OPN1SW: variants seen among roughly 807,000 people sequenced by gnomAD.
The protein encoded by OPN1SW is opsin 1, short wave sensitive.
In OPN1SW, 25 loss-of-function variants were observed where a neutral mutation model predicts 31.9. The ratio of observed to expected loss-of-function variants is 0.78; its 90% CI spans 0.57 to 1.09. The LOEUF is 1.09. OPN1SW is among the 50% of genes least tolerant of loss of function. OPN1SW has a pLI of 0.00. For synonymous variants in OPN1SW, 190 were observed against 171.9 expected, an observed-to-expected ratio of 1.11 and a Z score of -0.82; for missense variants, 424 against 448.0, an observed-to-expected ratio of 0.95 and a Z score of 0.48.
chr7:128,774,159 A>G (rs532611956), intron 3 of OPN1SW, among the ~76,000 whole-genome samples: 22 of 152,072 alleles, frequency 1.4e-4, no homozygotes, highest in African/African-American at 5.3e-4. Flanking sequence ...GCATTTTGCC[A>G]TGTAGGCCAG....
Position 128,775,769 on chromosome 7 carries a change from C to T in OPN1SW, c.13G>A (p.Glu5Lys), listed in dbSNP as rs978760053. The change falls in exon 1 of 5, where the codon GAG (glutamate) becomes AAG (lysine). Residue 5 changes from glutamate to lysine, a missense_variant. Glu to Lys is a moderately conservative substitution (Grantham distance 56). Coordinates refer to ENST00000249389, the MANE Select transcript of OPN1SW (RefSeq NM_001385125.1). ...GAGATATTTTTGAACAGATAAAACTCTTCCTCCGACATTTTTCTCATGGAT... is the reference window on the plus strand; with the variant it reads ...GAGATATTTTTGAACAGATAAAACTTTTCCTCCGACATTTTTCTCATGGAT... MSEE[E>K]FYLFKNISSV... The T allele has an allele frequency of 6.2e-7, 1 of 1,614,128 alleles. No individual in the cohort carries two copies. Among genetic ancestry groups the T allele is most frequent in the Non-Finnish European group, 8.5e-7 (1 of 1,179,992 alleles).
chr7:128,775,280 T>A, intron 1 of OPN1SW, 126 bp from the exon 2 acceptor site: 2 of 1,288,338 alleles, frequency 1.6e-6, no homozygotes, highest in African/African-American at 1.5e-5. Flanking sequence ...GAGTGAAGAC[T>A]CAAACATCCT....
intron 4 of OPN1SW, 83 bp from the exon 5 acceptor site, chr7:128,772,742 G>A: frequency 1.9e-6 from 3 of 1,575,850 alleles, no homozygotes; most frequent in Non-Finnish European, 1.7e-6. Flanking sequence ...TATCACCAAA[G>A]CCTTGCACAA....
intron 3 of OPN1SW, 64 bp downstream of exon 3, chr7:128,774,434 A>G: frequency 6.3e-7 from 1 of 1,596,460 alleles, no homozygotes; most frequent in South Asian, 1.1e-5. Context: ...TATGTTTCAG[A>G]GCACTCTTCC....
chr7:128,775,508 T>C lies in OPN1SW; in HGVS notation c.274A>G (p.Ser92Gly). 6.2e-7 allele frequency: 1 copy of C among 1,613,970 alleles called. No individual in the cohort carries two copies. The highest frequency in any genetic ancestry group is 2.2e-5 in the East Asian group (1 of 44,874). Residue 92 changes from serine to glycine, a missense_variant, in exon 1 of 5, where the codon AGC (serine) becomes GGC (glycine). Ser to Gly is a moderately conservative substitution (Grantham distance 56). Transcript: ENST00000249389. ...IFSVFPVFVA[S>G]CNGYFVFGRH... ...CCGAAGACGAAGTATCCGTTACAGC[T>C]GGCGACGAAGACAGGGAAGACAGAG...
intron 1 of OPN1SW, 121 bp from the exon 2 acceptor site, chr7:128,775,275 A>G: frequency 7.6e-7 from 1 of 1,308,776 alleles, no homozygotes; most frequent in Non-Finnish European, 1.1e-6. Context: ...ATTTGGAGTG[A>G]AGACTCAAAC....
In OPN1SW at chr7:128,772,551, C is replaced by T; in HGVS notation, c.1027G>A (p.Gly343Ser). 6.2e-7 allele frequency: 1 copy of T among 1,614,106 alleles called. No homozygotes were observed. The highest frequency in any genetic ancestry group is 8.5e-7 in the Non-Finnish European group (1 of 1,180,020). The change falls in exon 5 of 5, where the codon GGC becomes AGC. Residue 343 changes from glycine to serine, a missense_variant. By Grantham distance (56) the Gly-to-Ser change is moderately conservative. Transcript: ENST00000249389. ...CCAATATTGGGTCCTCAGTTGGGGCCAACTTGGGTAGACGAGACAGTAGAA... is the reference window on the plus strand; with the variant it reads ...CCAATATTGGGTCCTCAGTTGGGGCTAACTTGGGTAGACGAGACAGTAGAA... ...EVSTVSSTQV[G>S]PN
chr7:128,775,198 C>T, intron 1 of OPN1SW, 44 bp from the exon 2 acceptor site: 3 of 1,597,492 alleles, frequency 1.9e-6, no homozygotes, highest in Non-Finnish European at 2.6e-6. Context: ...GAGCCCCACC[C>T]AGCCTGGCTG....
rs1485232656 is a variant in OPN1SW at position 128,773,356 on chromosome 7, ATGG to A, written c.918+290_918+292del. Among the ~76,000 whole-genome samples the A allele has an allele frequency of 2.0e-5, 3 of 152,188 alleles. No homozygotes were observed. In the East Asian group the frequency reaches 5.8e-4, roughly 29 times the overall value. On this transcript the variant is annotated intron_variant, in intron 4 of 4. Coordinates refer to ENST00000249389, the MANE Select transcript of OPN1SW (RefSeq NM_001385125.1). Reference sequence around the variant, plus strand: ...TTTGTTACATAGGTAAACGTGTGCCATGGTGGTTTGCTGCACGAGTTTTTCAAT... The same window carrying A: ...TTTGTTACATAGGTAAACGTGTGCCATGGTTTGCTGCACGAGTTTTTCAAT...
rs1464280173 is a variant in OPN1SW at position 128,772,568 on chromosome 7, A to G, written c.1010T>C (p.Val337Ala). The change falls in exon 5 of 5, where the codon GTC becomes GCC. Residue 337 changes from valine to alanine, a missense_variant. Transcript: ENST00000249389. Reference sequence around the variant, plus strand: ...GTTGGGGCCAACTTGGGTAGACGAGACAGTAGAAACTTCTGTTTTCTGGGA... The same window carrying G: ...GTTGGGGCCAACTTGGGTAGACGAGGCAGTAGAAACTTCTGTTTTCTGGGA... ...CSSQKTEVSTVSSTQVGPN is the reference protein window; with the variant it reads ...CSSQKTEVSTASSTQVGPN 1 of 1,614,178 alleles carries G rather than the reference A, an allele frequency of 6.2e-7. No individual in the cohort carries two copies. Among genetic ancestry groups the G allele is most frequent in the Non-Finnish European group, 8.5e-7 (1 of 1,180,024 alleles).
rs765180645 is a variant in OPN1SW at position 128,775,028 on chromosome 7, A to G, written c.470T>C (p.Ile157Thr). The G allele has an allele frequency of 4.3e-6, 7 of 1,613,974 alleles. No homozygotes were observed. Among genetic ancestry groups the G allele is most frequent in the African/African-American group, 4.0e-5 (3 of 74,898 alleles). The change falls in exon 2 of 5, where the codon ATT (isoleucine) becomes ACT (threonine). Residue 157 changes from isoleucine to threonine, a missense_variant. Transcript: ENST00000249389. ...ALTVVLATWT[I>T]GIGVSIPPFF... ...GGGTGGGATGGAGACGCCAATACCAATGGTCCAGGTAGCCAGGACCACCGT... is the reference window on the plus strand; with the variant it reads ...GGGTGGGATGGAGACGCCAATACCAGTGGTCCAGGTAGCCAGGACCACCGT...
Position 128,774,511 on chromosome 7 carries a change from C to G in OPN1SW, c.665G>C (p.Arg222Thr). ...LICFSYTQLL[R>T]ALKAVAAQQQ... ...AATGCCACTCACAGCTTTCAGGGCC[C>G]TCAGCAGCTGAGTGTAGGAGAAGCA... is the stretch of plus-strand genomic sequence containing the variant. The change falls in exon 3 of 5, where the codon AGG becomes ACG. Residue 222 changes from arginine (R) to threonine (T), a missense_variant. Coordinates refer to ENST00000249389, the MANE Select transcript of OPN1SW (RefSeq NM_001385125.1). 1 of 1,613,966 alleles carries G rather than the reference C, an allele frequency of 6.2e-7. No individual in the cohort carries two copies. Among genetic ancestry groups the G allele is most frequent in the Non-Finnish European group, 8.5e-7 (1 of 1,180,028 alleles).
intron 4 of OPN1SW, among the ~76,000 whole-genome samples, 160 bp downstream of exon 4, chr7:128,773,489 C>G (rs1021645315): frequency 1.3e-5 from 2 of 152,128 alleles, no homozygotes; most frequent in Admixed American, 1.3e-4. Context: ...TGCCTTCCTC[C>G]CTGTGCTTAC....
intron 4 of OPN1SW, among the ~76,000 whole-genome samples, chr7:128,773,227 G>A (rs1801664976): frequency 6.6e-6 from 1 of 152,234 alleles, no homozygotes; most frequent in African/African-American, 2.4e-5. Flanking sequence ...AAATGATTAA[G>A]AAATTATTAA....
chr7:128,772,802 T>A, intron 4 of OPN1SW, 143 bp from the exon 5 acceptor site: 1 of 1,089,962 alleles, frequency 9.2e-7, no homozygotes, highest in Non-Finnish European at 1.4e-6. Context: ...ATCTTCCCCA[T>A]CCTGAAAACT....
chr7:128,773,870 C>G lies in OPN1SW; in HGVS notation c.697G>C (p.Glu233Gln). ...ALKAVAAQQQ[E>Q]SATTQKAERE... ...TCAGCCTTCTGGGTCGTAGCTGACTCCTGCTGCTGAGCTGCAACCTGGGGT... is the reference window on the plus strand; with the variant it reads ...TCAGCCTTCTGGGTCGTAGCTGACTGCTGCTGCTGAGCTGCAACCTGGGGT... The change falls in exon 4 of 5, where the codon GAG becomes CAG. Residue 233 changes from glutamate (E) to glutamine (Q), a missense_variant. Physicochemically the swap from Glu to Gln is conservative, Grantham distance 29. Coordinates refer to ENST00000249389, the MANE Select transcript of OPN1SW (RefSeq NM_001385125.1). 1.9e-6 allele frequency: 3 copies of G among 1,612,502 alleles called. No homozygotes were observed. Among genetic ancestry groups the G allele is most frequent in the Non-Finnish European group, 2.5e-6 (3 of 1,180,006 alleles).
Position 128,773,878 on chromosome 7 carries a change from T to G in OPN1SW, c.689A>C (p.Gln230Pro), listed in dbSNP as rs1162756611. ...LLRALKAVAAQQQESATTQKA... is the reference protein window; with the variant it reads ...LLRALKAVAAPQQESATTQKA... ...CTGGGTCGTAGCTGACTCCTGCTGCTGAGCTGCAACCTGGGGTGGAGCACG... is the reference window on the plus strand; with the variant it reads ...CTGGGTCGTAGCTGACTCCTGCTGCGGAGCTGCAACCTGGGGTGGAGCACG... The change falls in exon 4 of 5, where the codon CAG becomes CCG. Residue 230 changes from glutamine to proline, a missense_variant. Physicochemically the swap from Gln to Pro is moderately conservative, Grantham distance 76. Coordinates refer to ENST00000249389, the MANE Select transcript of OPN1SW (RefSeq NM_001385125.1). 1 of 1,611,402 alleles carries G rather than the reference T, an allele frequency of 6.2e-7. No individual in the cohort carries two copies. Among genetic ancestry groups the G allele is most frequent in the African/African-American group, 1.3e-5 (1 of 74,800 alleles).
At chr7:128,773,561 A>G (rs1801680100) in intron 4 of OPN1SW, 88 bp downstream of exon 4, 3 of 1,564,626 alleles carry the variant, frequency 1.9e-6, no homozygotes, top group Non-Finnish European at 1.8e-6. Flanking sequence ...AAACCTGGGT[A>G]GAGTCCAGGG....
Position 128,773,880 on chromosome 7 carries a change from A to C in OPN1SW, c.687T>G (p.Ala229=). Residue 229 remains alanine, a synonymous_variant, in exon 4 of 5, where the codon GCT becomes GCG. Transcript: ENST00000249389. ...GGGTCGTAGCTGACTCCTGCTGCTG[A>C]GCTGCAACCTGGGGTGGAGCACGGA... ...QLLRALKAVA[A]QQQESATTQK... 1.2e-6 allele frequency: 2 copies of C among 1,609,728 alleles called. No homozygotes were observed. Among genetic ancestry groups the C allele is most frequent in the South Asian group, 1.1e-5 (1 of 90,980 alleles).
Sources: gnomAD v4.1 joint callset for allele counts (sites outside exome capture counted in the v4.1 genomes callset) on GRCh38, gnomAD v4.1.1 for gene constraint, MANE v1.5 for transcripts, NCBI Gene and HGNC (gene_info 2026-07-23, HGNC 2026-07-21) for gene names.